The following RNF150 variants were observed in gnomAD, a reference collection of about 807,000 sequenced individuals.
RNF150 encodes the protein ring finger protein 150.
RNF150 carries 24 observed loss-of-function variants against 39.3 expected under a neutral mutation model. That is an observed-to-expected ratio of 0.61 (90% confidence interval 0.44 to 0.86). The LOEUF is 0.86. Among genes scored for constraint, RNF150 ranks in the 40% least tolerant of loss-of-function variants. RNF150 has a pLI of 0.00. For synonymous variants in RNF150, 255 were observed against 227.3 expected, an observed-to-expected ratio of 1.12 and a Z score of -1.10; for missense variants, 502 against 587.8, an observed-to-expected ratio of 0.85 and a Z score of 1.51.
intron 1 of RNF150, among the ~76,000 whole-genome samples, chr4:141,035,485 G>A (rs1560701318): frequency 1.3e-5 from 2 of 152,268 alleles, no homozygotes; most frequent in Middle Eastern, 6.8e-3. Flanking sequence ...TATCAATGGG[G>A]AAAAATGTAT....
chr4:140,957,110 G>A (rs1484231316), intron 2 of RNF150, among the ~76,000 whole-genome samples: 1 of 149,686 alleles, frequency 6.7e-6, no homozygotes. Context: ...CCATCAGAGT[G>A]AACAGGCAAC....
chr4:141,139,564 C>T (rs1256166092), intron 1 of RNF150, among the ~76,000 whole-genome samples: 1 of 152,206 alleles, frequency 6.6e-6, no homozygotes, highest in Admixed American at 6.5e-5. Context: ...ATATTCTCAG[C>T]GTCTGCTGCA....
intron 1 of RNF150, among the ~76,000 whole-genome samples, chr4:141,083,805 T>C (rs1251289264): frequency 6.6e-6 from 1 of 152,200 alleles, no homozygotes; most frequent in Admixed American, 6.5e-5. Context: ...CAGATTCCTT[T>C]CTGGGCATCT....
At chr4:141,205,801 T>G (rs1037048512) in intron 1 of RNF150, among the ~76,000 whole-genome samples, 2 of 152,192 alleles carry the variant, frequency 1.3e-5, no homozygotes, top group African/African-American at 4.8e-5. Context: ...AAAATTAATT[T>G]TAATAAACTA....
rs941041622 is a variant in RNF150 at position 141,012,914 on chromosome 4, G to C, written c.485-45041C>G. Among the ~76,000 whole-genome samples, 10 of 151,938 alleles carry C rather than the reference G, an allele frequency of 6.6e-5. No individual in the cohort carries two copies. In the East Asian group the frequency reaches 9.7e-4, roughly 15 times the overall value. On this transcript the variant is annotated intron_variant, in intron 1 of 6. Coordinates refer to ENST00000515673, the MANE Select transcript of RNF150 (RefSeq NM_020724.2). ...GTAATATTAATTGAGTGCCTGTGAA[G>C]TGGCAGACCTGGGCTAGTTGTATTC...
chr4:141,031,431 G>A (rs888971529), intron 1 of RNF150, among the ~76,000 whole-genome samples: 1 of 151,914 alleles, frequency 6.6e-6, no homozygotes, highest in Non-Finnish European at 1.5e-5. Flanking sequence ...AAAAGCTTCT[G>A]TACAGCAAAA....
chr4:141,014,771 C>G (rs1216350001), intron 1 of RNF150, among the ~76,000 whole-genome samples: 1 of 144,338 alleles, frequency 6.9e-6, no homozygotes, highest in South Asian at 2.2e-4. Context: ...TAAATATTTT[C>G]TGTAGGTTGT....
At chr4:140,922,087 C>G in intron 5 of RNF150, among the ~76,000 whole-genome samples, 1 of 151,874 alleles carries the variant, frequency 6.6e-6, no homozygotes, top group Non-Finnish European at 1.5e-5. Flanking sequence ...CTCACCACAC[C>G]TATTCAACAT....
intron 5 of RNF150, among the ~76,000 whole-genome samples, chr4:140,920,933 A>G (rs1239953820): frequency 1.3e-5 from 2 of 151,902 alleles, no homozygotes; most frequent in Non-Finnish European, 2.9e-5. Flanking sequence ...AAACTATCAC[A>G]AGAACAAAAA....
chr4:141,137,730 A>G (rs1727049310), upstream of RNF150, among the ~76,000 whole-genome samples: 1 of 152,220 alleles, frequency 6.6e-6, no homozygotes, highest in Non-Finnish European at 1.5e-5. Flanking sequence ...TTTTTAAGTT[A>G]TCGACACATA....
At chr4:141,068,716 T>G (rs11931425) in intron 1 of RNF150, among the ~76,000 whole-genome samples, 103,076 of 136,490 alleles carry the variant, frequency 0.76, 40,284 homozygotes, top group Non-Finnish European at 0.87. Context: ...CCATTTGTTT[T>G]TATCCTCTTT....
At chr4:141,044,512 A>T (rs1379500150) in intron 1 of RNF150, among the ~76,000 whole-genome samples, 1 of 152,232 alleles carries the variant, frequency 6.6e-6, no homozygotes, top group Non-Finnish European at 1.5e-5. Context: ...ATCCACTTTA[A>T]TTCTCTCAAT....
upstream of RNF150, among the ~76,000 whole-genome samples, chr4:141,136,782 A>G (rs1163044530): frequency 6.6e-5 from 10 of 152,228 alleles, no homozygotes; most frequent in Admixed American, 6.5e-4. Flanking sequence ...AGAAATTTCT[A>G]AAAAGCTTTA....
intron 1 of RNF150, among the ~76,000 whole-genome samples, chr4:141,032,834 T>C (rs1365383390): frequency 6.6e-6 from 1 of 152,238 alleles, no homozygotes; most frequent in African/African-American, 2.4e-5. Context: ...CTATTAAGTG[T>C]ACAATAACAT....
intron 1 of RNF150, among the ~76,000 whole-genome samples, chr4:141,076,201 C>T (rs929124379): frequency 2.6e-5 from 4 of 152,164 alleles, no homozygotes; most frequent in Non-Finnish European, 5.9e-5. Flanking sequence ...CAGTATCTTC[C>T]AGACCTTGCA....
rs562608089 is a variant in RNF150, at chr4:140,862,056, G to T, written c.*6205C>A. The T allele has an allele frequency of 1.3e-5, 2 of 152,280 alleles. No individual in the cohort carries two copies. Among genetic ancestry groups the T allele is most frequent in the African/African-American group, 4.8e-5 (2 of 41,552 alleles). The allele number at this position is 152,280 out of a possible 1,614,324, so 9.4% of individuals were successfully genotyped here. On this transcript the variant is annotated 3_prime_UTR_variant, in exon 7 of 7. Coordinates refer to ENST00000515673, the MANE Select transcript of RNF150 (RefSeq NM_020724.2). ...AGAAACATGTGTTCATTTGGATGGT[G>T]ATCAGTCTTTGGTTTATATAGCACA...
At chr4:141,030,146 A>T (rs1735878647) in intron 1 of RNF150, among the ~76,000 whole-genome samples, 1 of 151,938 alleles carries the variant, frequency 6.6e-6, no homozygotes, top group Non-Finnish European at 1.5e-5. Context: ...GTGAGCCAAG[A>T]TCACGCCACT....
At chr4:141,055,310 G>A (rs1736926084) in intron 1 of RNF150, among the ~76,000 whole-genome samples, 1 of 152,112 alleles carries the variant, frequency 6.6e-6, no homozygotes, top group East Asian at 1.9e-4. Context: ...TGGACACAGT[G>A]GATCCTTTCA....
Position 141,203,076 on chromosome 4 carries a change from T to TATATACAC in RNF150, c.-6+9717_-6+9718insGTGTATAT, listed in dbSNP as rs369790675. On this transcript the variant is annotated intron_variant, in intron 1 of 7. Coordinates refer to the RNF150 transcript ENST00000420921. ...GAGATTTTATATATATATATATATATACACACATATATGAGATATATAATC... is the reference window on the plus strand; with the variant it reads ...GAGATTTTATATATATATATATATATATATACACACACACATATATGAGATATATAATC... Among the ~76,000 whole-genome samples the TATATACAC allele has an allele frequency of 3.0e-5, 4 of 133,030 alleles. No homozygotes were observed. The East Asian group carries it at 6.2e-4, about 21-fold the overall frequency. 87.3% of individuals were successfully genotyped at this position (133,030 alleles called of 152,430 possible).
Sources: allele counts gnomAD v4.1 joint callset (sites outside exome capture counted in the v4.1 genomes callset), GRCh38; gene constraint gnomAD v4.1.1; transcripts MANE v1.5; gene names NCBI Gene and HGNC (gene_info 2026-07-23, HGNC 2026-07-21).